The following KIRREL3 variants were observed in gnomAD, a reference collection of about 807,000 sequenced individuals.
The protein encoded by KIRREL3 is kin of IRRE-like protein 3.
Under a neutral mutation model 89.7 loss-of-function variants are expected in KIRREL3, and 36 were observed. That is an observed-to-expected ratio of 0.40 (90% CI 0.31 to 0.53). The LOEUF (loss-of-function observed/expected upper bound fraction) is 0.53, where lower values mean the gene tolerates loss of function less well. Among genes scored for constraint, KIRREL3 ranks in the 20% least tolerant of loss-of-function variants. The probability of loss-of-function intolerance (pLI) is 0.49; values close to 1 mark genes in which losing one functional copy is unlikely to be tolerated. For missense variants in KIRREL3, 864 were observed against 1,056.6 expected (o/e 0.82, Z 2.53); for synonymous variants, 445 against 441.4 (o/e 1.01, Z -0.10).
Position 126,724,754 on chromosome 11 carries a change from G to A in KIRREL3, c.56-161842C>T, listed in dbSNP as rs184904467. 6.6e-6 allele frequency among the ~76,000 whole-genome samples: 1 copy of A among 152,276 alleles called. No homozygotes were observed. The highest frequency in any genetic ancestry group is 2.4e-5 in the African/African-American group (1 of 41,548). On this transcript the variant is annotated intron_variant, in intron 1 of 16. Transcript: ENST00000525144. The surrounding 1 kb of genome is among the most constrained non-coding windows in gnomAD (Gnocchi z 4.3). ...GACTGAGACCTGCTTATGGGCCAAG[G>A]GTTCTTAGTATTAGATAAGAGTCAG...
Position 126,477,143 on chromosome 11 carries a change from G to A in KIRREL3, c.434-3677C>T, listed in dbSNP as rs1957089699. Among the ~76,000 whole-genome samples, 1 of 152,196 alleles carries A rather than the reference G, an allele frequency of 6.6e-6. No individual in the cohort carries two copies. The highest frequency in any genetic ancestry group is 2.1e-4 in the South Asian group (1 of 4,834). ...AGGCCACAGCGCGGCCTTAGCCGGG[G>A]GTGGCTGAGCGACACTCCTGCACCC... On this transcript the variant is annotated intron_variant, in intron 4 of 16. Coordinates refer to ENST00000525144, the MANE Select transcript of KIRREL3 (RefSeq NM_032531.4). This position sits in a 1 kb window ranked among gnomAD's most constrained non-coding sequence, Gnocchi z 4.8.
intron 1 of KIRREL3, among the ~76,000 whole-genome samples, chr11:126,726,459 C>T (rs1437160539): frequency 6.6e-6 from 1 of 152,170 alleles, no homozygotes; most frequent in Non-Finnish European, 1.5e-5. Context: ...CCTCCTCCTC[C>T]TGGGTTCAAG....
intron 4 of KIRREL3, among the ~76,000 whole-genome samples, chr11:126,481,653 G>C (rs751672868): frequency 2.0e-5 from 3 of 152,224 alleles, no homozygotes; most frequent in Non-Finnish European, 4.4e-5. Flanking sequence ...TTAACCCTCT[G>C]AAGTATCGCT....
Position 126,953,770 on chromosome 11 carries a change from G to A in KIRREL3, c.55+46685C>T, listed in dbSNP as rs757430292. 2.0e-4 allele frequency among the ~76,000 whole-genome samples: 30 copies of A among 152,282 alleles called. No individual in the cohort carries two copies. Among genetic ancestry groups the A allele is most frequent in the Non-Finnish European group, 3.7e-4 (25 of 68,018 alleles). ...GCAGGAAAGAGTTTTCATGATTTCT[G>A]CCTCTCAGAGGTCTCTCAAACAGCT... On this transcript the variant is annotated intron_variant, in intron 1 of 16. Coordinates refer to ENST00000525144, the MANE Select transcript of KIRREL3 (RefSeq NM_032531.4). The surrounding 1 kb of genome is among the most constrained non-coding windows in gnomAD (Gnocchi z 5.2).
intron 10 of KIRREL3, among the ~76,000 whole-genome samples, chr11:126,442,279 A>AC (rs1211025803): frequency 3.0e-4 from 34 of 113,594 alleles, no homozygotes; most frequent in Admixed American, 1.2e-3. Context: ...AAAACAAAAA[A>AC]AAAACAAAAA....
In KIRREL3 at chr11:126,830,187, A is replaced by C. The variant is rs1471662997; in HGVS notation, c.55+170268T>G. ...CATGAATGAACAACCCTTGCTAATC[A>C]CTCTGGTCAATATTTATCATAGGTA... On this transcript the variant is annotated intron_variant, in intron 1 of 16. Coordinates refer to ENST00000525144, the MANE Select transcript of KIRREL3 (RefSeq NM_032531.4). The surrounding 1 kb of genome is among the most constrained non-coding windows in gnomAD (Gnocchi z 4.9). Among the ~76,000 whole-genome samples, 1 of 152,042 alleles carries C rather than the reference A, an allele frequency of 6.6e-6. No individual in the cohort carries two copies. Among genetic ancestry groups the C allele is most frequent in the Admixed American group, 6.6e-5 (1 of 15,262 alleles).
intron 2 of KIRREL3, among the ~76,000 whole-genome samples, chr11:126,534,237 C>T (rs915245138): frequency 8.1e-6 from 1 of 123,936 alleles, no homozygotes; most frequent in Non-Finnish European, 1.6e-5. Context: ...AATGTTCCCC[C>T]AGGGCTGCAA....
rs1318969 is a variant in KIRREL3, at chr11:126,652,134, A to G, written c.56-89222T>C. On this transcript the variant is annotated intron_variant, in intron 1 of 16. Coordinates refer to ENST00000525144, the MANE Select transcript of KIRREL3 (RefSeq NM_032531.4). The surrounding 1 kb of genome is among the most constrained non-coding windows in gnomAD (Gnocchi z 4.9). ...TGATCTGTCTGGAGGATTCCTTTAA[A>G]AAAACCCAAGGTTCTGGAGGTCACT... 0.23 allele frequency among the ~76,000 whole-genome samples: 34,512 copies of G among 152,046 alleles called. 4,585 individuals are homozygous for G. The highest frequency in any genetic ancestry group is 0.32 in the Middle Eastern group (94 of 294).
chr11:126,586,109 G>C (rs981330048), intron 1 of KIRREL3, among the ~76,000 whole-genome samples: 1 of 152,132 alleles, frequency 6.6e-6, no homozygotes, highest in Non-Finnish European at 1.5e-5. Flanking sequence ...CTCCCCGGAC[G>C]TGGCGGCATT....
At chr11:126,436,116 C>T (rs796835877) in intron 12 of KIRREL3, among the ~76,000 whole-genome samples, 3 of 152,178 alleles carry the variant, frequency 2.0e-5, no homozygotes, top group South Asian at 4.1e-4. Flanking sequence ...GGAGCTGGGA[C>T]GTCAGCGCAC....
chr11:126,681,386 T>C (rs1467377728), intron 1 of KIRREL3, among the ~76,000 whole-genome samples: 1 of 152,228 alleles, frequency 6.6e-6, no homozygotes, highest in African/African-American at 2.4e-5. Context: ...ATTTATGTTA[T>C]TGCCTACAGT....
At chr11:126,834,797 A>G (rs1943724649) in intron 1 of KIRREL3, among the ~76,000 whole-genome samples, 1 of 152,230 alleles carries the variant, frequency 6.6e-6, no homozygotes, top group Non-Finnish European at 1.5e-5. Context: ...GGCCTGTGCC[A>G]CCATTCCAGA....
In KIRREL3 at chr11:126,430,461, ATATGTGTATATATGCG is replaced by A. The variant is rs565128224; in HGVS notation, c.1696+942_1696+957del. Among the ~76,000 whole-genome samples the A allele has an allele frequency of 3.9e-4, 60 of 152,250 alleles. 1 individual carries two copies. The highest frequency in any genetic ancestry group is 1.3e-3 in the African/African-American group (52 of 41,540). ...CCCTATATAAAAAAAAACCGTATATATATGTGTATATATGCGTATGTGTATATATTTGTATGCTTCC... is the reference window on the plus strand; with the variant it reads ...CCCTATATAAAAAAAAACCGTATATATATGTGTATATATTTGTATGCTTCC... On this transcript the variant is annotated intron_variant, in intron 14 of 16. Coordinates refer to ENST00000525144, the MANE Select transcript of KIRREL3 (RefSeq NM_032531.4). The surrounding 1 kb of genome is among the most constrained non-coding windows in gnomAD (Gnocchi z 6.6).
chr11:126,768,468 T>G lies in KIRREL3; in HGVS notation c.56-205556A>C, dbSNP rs1011409559. ...AACTTGGTTTATGAGATCCTTGGTTTAGTGTGTGTTGAAGAGACAGACAAT... is the reference window on the plus strand; with the variant it reads ...AACTTGGTTTATGAGATCCTTGGTTGAGTGTGTGTTGAAGAGACAGACAAT... On this transcript the variant is annotated intron_variant, in intron 1 of 16. Coordinates refer to ENST00000525144, the MANE Select transcript of KIRREL3 (RefSeq NM_032531.4). The surrounding 1 kb of genome is among the most constrained non-coding windows in gnomAD (Gnocchi z 4.5). Among the ~76,000 whole-genome samples, 3 of 152,222 alleles carry G rather than the reference T, an allele frequency of 2.0e-5. No homozygotes were observed. The highest frequency in any genetic ancestry group is 4.8e-5 in the African/African-American group (2 of 41,456).
intron 2 of KIRREL3, among the ~76,000 whole-genome samples, chr11:126,547,769 A>C (rs935402839): frequency 3.9e-5 from 6 of 152,200 alleles, no homozygotes; most frequent in Admixed American, 3.9e-4. Context: ...GGAAAAATCA[A>C]CAGGGACCCA....
chr11:126,848,330 A>G (rs1346013579), intron 1 of KIRREL3, among the ~76,000 whole-genome samples: 2 of 152,238 alleles, frequency 1.3e-5, no homozygotes, highest in South Asian at 2.1e-4. Flanking sequence ...CAGTCTCACC[A>G]TGATTTGTCT....
At position 126,493,203 on chromosome 11, in the gene KIRREL3, A is replaced by G. The variant is rs150400438; in HGVS notation, c.434-19737T>C. On this transcript the variant is annotated intron_variant, in intron 4 of 16. Transcript: ENST00000525144. ...GTGGGGACCACAGGCATTGAGCCCA[A>G]TGCCTCTCAGGCATCATGCAATGAG... Among the ~76,000 whole-genome samples the G allele has an allele frequency of 1.0e-3, 157 of 152,314 alleles. 1 individual carries two copies. The highest frequency in any genetic ancestry group is 3.2e-3 in the African/African-American group (134 of 41,582).
chr11:126,798,416 A>G (rs1565740334), intron 1 of KIRREL3, among the ~76,000 whole-genome samples: 1 of 152,306 alleles, frequency 6.6e-6, no homozygotes, highest in East Asian at 1.9e-4. Context: ...AATTCTCTGG[A>G]CCCCAGAAAA....
intron 1 of KIRREL3, among the ~76,000 whole-genome samples, chr11:126,966,096 AC>A (rs1409871146): frequency 6.6e-6 from 1 of 152,000 alleles, no homozygotes; most frequent in Non-Finnish European, 1.5e-5. Flanking sequence ...AGGAATTTTG[AC>A]CCCAAGCTGC....
Sources: allele counts gnomAD v4.1 joint callset (sites outside exome capture counted in the v4.1 genomes callset), GRCh38; gene constraint gnomAD v4.1.1; non-coding constraint Gnocchi (gnomAD v3.1); transcripts MANE v1.5; gene names NCBI Gene and HGNC (gene_info 2026-07-23, HGNC 2026-07-21).